The following ASMT variants were observed in gnomAD, a reference collection of about 807,000 sequenced individuals.
The protein encoded by ASMT is acetylserotonin N-methyltransferase.
ASMT carries 53 observed loss-of-function variants against 41.3 expected under a neutral mutation model. The observed-to-expected ratio is 1.28, with a 90% confidence interval of 1.03 to 1.61. The LOEUF is 1.61. Ranked by LOEUF, ASMT falls within the 40% of genes most tolerant of loss-of-function variation. ASMT has a pLI of 0.00. For synonymous variants in ASMT, 231 were observed against 184.8 expected (o/e 1.25, Z -2.03); for missense variants, 531 against 441.3 (o/e 1.20, Z -1.82).
intron 3 of ASMT, among the ~76,000 whole-genome samples, chrX:1,626,697 G>GTCAC (rs1323660515): frequency 6.6e-5 from 10 of 152,306 alleles, no homozygotes; most frequent in African/African-American, 2.4e-4. Flanking sequence ...GAAGAAAAAG[G>GTCAC]TCACGTGTAA....
rs200106270 is a variant in ASMT at position 1,635,907 on chromosome X, A to AT, written c.788-522dup. On this transcript the variant is annotated intron_variant, in intron 7 of 8. Transcript: ENST00000381241. ...AAAACAAAAAAGAAACCATATTATG[A>AT]TTTTTTTTTAAAGGAGGAGGAGAGA... Among the ~76,000 whole-genome samples the AT allele has an allele frequency of 3.0e-3, 450 of 150,976 alleles. 1 individual carries two copies. The highest frequency in any genetic ancestry group is 9.7e-3 in the African/African-American group (399 of 41,244).
chrX:1,619,020 C>T (rs1222757513), intron 1 of ASMT, among the ~76,000 whole-genome samples: 3 of 152,178 alleles, frequency 2.0e-5, no homozygotes, highest in Non-Finnish European at 2.9e-5. Context: ...GAGGATCAAA[C>T]TTAGTACACC....
chrX:1,623,765 G>A (rs1313064677), intron 2 of ASMT, among the ~76,000 whole-genome samples: 1 of 152,058 alleles, frequency 6.6e-6, no homozygotes, highest in South Asian at 2.1e-4. Flanking sequence ...ATTTCATCAC[G>A]TTGGCCAGGC....
intron 7 of ASMT, among the ~76,000 whole-genome samples, chrX:1,633,732 G>A (rs1383263890): frequency 2.0e-5 from 3 of 150,640 alleles, no homozygotes; most frequent in Non-Finnish European, 2.9e-5. Flanking sequence ...TCCGCCTCCC[G>A]GGTTCACACC....
intron 8 of ASMT, among the ~76,000 whole-genome samples, chrX:1,641,671 T>C (rs1417922456): frequency 6.9e-6 from 1 of 145,342 alleles, no homozygotes; most frequent in Non-Finnish European, 1.5e-5. Context: ...CATGAGTACA[T>C]GGACACAGCC....
intron 5 of ASMT, among the ~76,000 whole-genome samples, chrX:1,631,910 A>G (rs1399507989): frequency 4.6e-5 from 7 of 152,214 alleles, no homozygotes; most frequent in African/African-American, 1.7e-4. Flanking sequence ...TTAGCCAGGC[A>G]TGACAGTAGG....
Position 1,615,136 on chromosome X carries a change from G to T in ASMT, c.-64G>T. Reference sequence around the variant, plus strand: ...TGGCTCTTCCCCACCTTGCCAGCAGGCTCTGTGCTCCTTGAAGCAAGCGCT... The same window carrying T: ...TGGCTCTTCCCCACCTTGCCAGCAGTCTCTGTGCTCCTTGAAGCAAGCGCT... On this transcript the variant is annotated 5_prime_UTR_variant, in exon 1 of 9. Coordinates refer to ENST00000381241, the MANE Select transcript of ASMT (RefSeq NM_001171038.2). 1 of 1,474,830 alleles carries T rather than the reference G, an allele frequency of 6.8e-7. No individual in the cohort carries two copies. The highest frequency in any genetic ancestry group is 9.3e-7 in the Non-Finnish European group (1 of 1,075,944). 91.4% of individuals were successfully genotyped at this position (1,474,830 alleles called of 1,614,324 possible).
chrX:1,627,492 G>C (rs752205034), intron 3 of ASMT, among the ~76,000 whole-genome samples: 1 of 151,624 alleles, frequency 6.6e-6, no homozygotes, highest in South Asian at 2.1e-4. Flanking sequence ...GTGGTGGCGG[G>C]CGCCTATAGT....
intron 4 of ASMT, 73 bp downstream of exon 4, chrX:1,627,844 A>G: frequency 7.0e-6 from 10 of 1,420,208 alleles, no homozygotes; most frequent in African/African-American, 1.4e-5. Flanking sequence ...AGGAAACCCA[A>G]TCCATTTACT....
intron 8 of ASMT, among the ~76,000 whole-genome samples, chrX:1,642,011 C>CTT (rs1569388531): frequency 6.8e-6 from 1 of 146,784 alleles, no homozygotes; most frequent in African/African-American, 2.5e-5. Flanking sequence ...GGCACAGCCT[C>CTT]TGTGTGTAAT....
At chrX:1,615,865 A>G (rs1273051192) in intron 1 of ASMT, among the ~76,000 whole-genome samples, 1 of 152,158 alleles carries the variant, frequency 6.6e-6, no homozygotes, top group African/African-American at 2.4e-5. Flanking sequence ...ACATAGGATT[A>G]GAAACAAGAC....
At chrX:1,619,427 G>C (rs1463811843) in intron 1 of ASMT, among the ~76,000 whole-genome samples, 1 of 150,430 alleles carries the variant, frequency 6.6e-6, no homozygotes, top group African/African-American at 2.4e-5. Context: ...GCTGGGGAGG[G>C]AGAGCACTAG....
chrX:1,628,944 T>C (rs56110412), intron 4 of ASMT, among the ~76,000 whole-genome samples: 43,240 of 145,196 alleles, frequency 0.3, 6,867 homozygotes, highest in East Asian at 0.52. Context: ...CTCTCTCTCT[T>C]TCTTTCTTTC....
chrX:1,641,499 G>GA (rs1935161613), intron 8 of ASMT, among the ~76,000 whole-genome samples: 3 of 148,646 alleles, frequency 2.0e-5, no homozygotes, highest in African/African-American at 4.9e-5. Context: ...GATGGTTCAT[G>GA]GGGACGTGAG....
intron 7 of ASMT, among the ~76,000 whole-genome samples, chrX:1,633,720 G>T (rs1396551504): frequency 4.8e-5 from 7 of 146,088 alleles, no homozygotes; most frequent in Admixed American, 6.9e-5. Context: ...CTCCCTTCAA[G>T]CTCCGCCTCC....
Position 1,623,248 on chromosome X carries a change from C to A in ASMT, c.179C>A (p.Thr60Lys). The A allele has an allele frequency of 6.2e-7, 1 of 1,613,854 alleles. No individual in the cohort carries two copies. The highest frequency in any genetic ancestry group is 8.5e-7 in the Non-Finnish European group (1 of 1,179,880). The change falls in exon 2 of 9, where the codon ACA becomes AAA. Residue 60 changes from threonine to lysine, a missense_variant. Transcript: ENST00000381241. ...AAGVRASAHG[T>K]ELLLDICVSL... ...GGTGTGAGGGCCAGCGCCCATGGGA[C>A]AGAGCTCCTGCTGGACATCTGTGTG... is the stretch of plus-strand genomic sequence containing the variant.
At chrX:1,617,119 G>C (rs1457909290) in intron 1 of ASMT, among the ~76,000 whole-genome samples, 1 of 152,240 alleles carries the variant, frequency 6.6e-6, no homozygotes, top group South Asian at 2.1e-4. Flanking sequence ...GCTGCAGTGA[G>C]CTATGATTGC....
In ASMT at chrX:1,642,883, A is replaced by G. The variant is rs1158492645; in HGVS notation, c.991A>G (p.Met331Val). Residue 331 changes from methionine (M) to valine (V), a missense_variant, in exon 9 of 9, where the codon ATG becomes GTG. Physicochemically the swap from Met to Val is conservative, Grantham distance 21 (BLOSUM62 1). Transcript: ENST00000381241. ...PLLTQLYSLN[M>V]LVQTEGQERT... ...GCTCACGCAGCTCTACTCTCTGAAC[A>G]TGCTTGTGCAGACGGAAGGGCAGGA... The G allele has an allele frequency of 2.7e-5, 43 of 1,613,936 alleles. No homozygotes were observed. Among genetic ancestry groups the G allele is most frequent in the Non-Finnish European group, 3.6e-5 (42 of 1,179,862 alleles).
At chrX:1,633,620 C>G (rs1934855641) in intron 7 of ASMT, among the ~76,000 whole-genome samples, 1 of 151,400 alleles carries the variant, frequency 6.6e-6, no homozygotes, top group Non-Finnish European at 1.5e-5. Flanking sequence ...GGATTACAGG[C>G]ATGCGCCACC....
Sources: gnomAD v4.1 joint callset for allele counts (sites outside exome capture counted in the v4.1 genomes callset) on GRCh38, gnomAD v4.1.1 for gene constraint, MANE v1.5 for transcripts, NCBI Gene and HGNC (gene_info 2026-07-23, HGNC 2026-07-21) for gene names.